SRRM1: variants seen among roughly 807,000 people sequenced by gnomAD.
SRRM1 encodes serine and arginine repetitive matrix 1.
Under a neutral mutation model 110.2 loss-of-function variants are expected in SRRM1, and 19 were observed. The observed-to-expected ratio is 0.17, with a 90% confidence interval of 0.12 to 0.25. The LOEUF (loss-of-function observed/expected upper bound fraction) is 0.25, where lower values mean the gene tolerates loss of function less well. Among genes scored for constraint, SRRM1 ranks in the 10% least tolerant of loss-of-function variants. The pLI is 1.00. For synonymous variants in SRRM1, 443 were observed against 414.9 expected, an observed-to-expected ratio of 1.07 and a Z score of -0.82; for missense variants, 918 against 1,145.8, an observed-to-expected ratio of 0.80 and a Z score of 2.87.
In SRRM1 at chr1:24,650,006, A is replaced by G. The variant is rs1241098174; in HGVS notation, c.441A>G (p.Gln147=). 1.4e-5 allele frequency: 22 copies of G among 1,595,086 alleles called. No individual in the cohort carries two copies. The highest frequency in any genetic ancestry group is 1.9e-5 in the Non-Finnish European group (22 of 1,171,804). ...AAAAACTGGCATCTATGAAAAAGCA[A>G]GATGAAGACAAAGATAAAAGAGATA... ...EQEKLASMKK[Q]DEDKDKRDKE... The change falls in exon 5 of 17, where the codon CAA becomes CAG. Residue 147 remains glutamine, a synonymous_variant. Transcript: ENST00000323848.
In SRRM1 at chr1:24,662,662, T is replaced by C. The variant is rs768598627; in HGVS notation, c.1486T>C (p.Ser496Pro). ...RRQNQQSSSD[S>P]GSSSSSEDER... ...TTTTTTTAATTTTGTAATTATAGAC[T>C]CTGGCTCCTCCTCCTCCTCAGAAGA... The change falls in exon 12 of 17, where the codon TCT becomes CCT. Residue 496 changes from serine to proline, a missense_variant and splice_region_variant. Around this residue, in one of 5 missense-constraint regions of SRRM1, gnomAD observed 357 missense variants for 402.9 expected, o/e 0.89. Coordinates refer to ENST00000323848, the MANE Select transcript of SRRM1 (RefSeq NM_005839.4). 1.9e-6 allele frequency: 3 copies of C among 1,613,668 alleles called. No individual in the cohort carries two copies. Among genetic ancestry groups the C allele is most frequent in the East Asian group, 2.2e-5 (1 of 44,884 alleles).
chr1:24,656,793 G>A (rs928682110), intron 9 of SRRM1, among the ~76,000 whole-genome samples: 1 of 152,116 alleles, frequency 6.6e-6, no homozygotes, highest in Non-Finnish European at 1.5e-5. Context: ...ACCAATCCTT[G>A]TTAAAATAGG....
chr1:24,670,341 C>A (rs757180711), intron 15 of SRRM1, 26 bp downstream of exon 15: 2 of 1,572,868 alleles, frequency 1.3e-6, no homozygotes, highest in Non-Finnish European at 1.7e-6. Flanking sequence ...ATTTTGGACA[C>A]CCTTTTATAA....
intron 13 of SRRM1, among the ~76,000 whole-genome samples, chr1:24,668,798 T>G (rs906022764): frequency 5.9e-5 from 9 of 152,346 alleles, no homozygotes; most frequent in Middle Eastern, 3.4e-3. Context: ...CAGTGCAAGA[T>G]TCTGTTTTCA....
rs376931789 is a variant in SRRM1 at position 24,669,404 on chromosome 1, G to A, written c.2021G>A (p.Arg674Gln). ...SSPSRSTREA[R>Q]SPQPNKRHSP... is the part of the protein sequence containing the mutation. ...CCAAGCCGCTCTACCCGGGAGGCCC[G>A]ATCACCACAACCAAACAAACGGCAT... The change falls in exon 14 of 17, where the codon CGA becomes CAA. Residue 674 changes from arginine to glutamine, a missense_variant. Around this residue, in one of 5 missense-constraint regions of SRRM1, gnomAD observed 357 missense variants for 402.9 expected, o/e 0.89. Transcript: ENST00000323848. 14 of 1,613,972 alleles carry A rather than the reference G, an allele frequency of 8.7e-6. No individual in the cohort carries two copies. Among genetic ancestry groups the A allele is most frequent in the East Asian group, 6.7e-5 (3 of 44,882 alleles).
chr1:24,662,139 T>C lies in SRRM1; in HGVS notation c.1484-521T>C, dbSNP rs115563353. 2.1e-3 allele frequency among the ~76,000 whole-genome samples: 324 copies of C among 152,204 alleles called. 1 individual carries two copies. The highest frequency in any genetic ancestry group is 7.6e-3 in the African/African-American group (315 of 41,534). ...ATAATCTACCCTATTATTTTACTAT[T>C]TGCATTTTTTATTGTAAGAATATAC... On this transcript the variant is annotated intron_variant, in intron 11 of 16. Coordinates refer to ENST00000323848, the MANE Select transcript of SRRM1 (RefSeq NM_005839.4).
In SRRM1 at chr1:24,651,558, C is replaced by T. The variant is rs1424271822; in HGVS notation, c.671C>T (p.Pro224Leu). Residue 224 changes from proline to leucine, a missense_variant, in exon 6 of 17, where the codon CCA becomes CTA. By Grantham distance (98) the Pro-to-Leu change is moderately conservative. Around this residue, in one of 5 missense-constraint regions of SRRM1, gnomAD observed 456 missense variants for 453.5 expected, o/e 1.01. Transcript: ENST00000323848. ...PEKKEKTPEL[P>L]EPSVKVKEPS... ...AAGAAGGAAAAAACTCCAGAGCTCC[C>T]AGAACCTTCAGTGAAAGTAAAAGAA... 1 of 1,613,896 alleles carries T rather than the reference C, an allele frequency of 6.2e-7. No homozygotes were observed. Among genetic ancestry groups the T allele is most frequent in the Non-Finnish European group, 8.5e-7 (1 of 1,180,014 alleles).
intron 2 of SRRM1, 115 bp downstream of exon 2, chr1:24,646,188 C>A: frequency 1.3e-6 from 1 of 753,470 alleles, no homozygotes; most frequent in Non-Finnish European, 2.2e-6. Context: ...CATAATTGAA[C>A]ATTAACCACC....
rs1228777539 is a variant in SRRM1 at position 24,668,214 on chromosome 1, C to T, written c.1740-909C>T. Among the ~76,000 whole-genome samples, 4 of 151,928 alleles carry T rather than the reference C, an allele frequency of 2.6e-5. No homozygotes were observed. In the East Asian group the frequency reaches 5.8e-4, roughly 22 times the overall value. On this transcript the variant is annotated intron_variant, in intron 13 of 16. Coordinates refer to ENST00000323848, the MANE Select transcript of SRRM1 (RefSeq NM_005839.4). ...CTCAAACTCCTGACCTCAGGTGATC[C>T]GCCTCAGCCTCCCAGAGTGCTGGGA...
At position 24,673,236 on chromosome 1, in the gene SRRM1, G is replaced by A. The variant is rs951738386; in HGVS notation, c.*950G>A. On this transcript the variant is annotated 3_prime_UTR_variant, in exon 17 of 17. Coordinates refer to ENST00000323848, the MANE Select transcript of SRRM1 (RefSeq NM_005839.4). Reference sequence around the variant, plus strand: ...AAACTAAAGCTATATAAAGCTTGTGGATTAAACAGAATAAATTTCTAAATT... The same window carrying A: ...AAACTAAAGCTATATAAAGCTTGTGAATTAAACAGAATAAATTTCTAAATT... The A allele has an allele frequency of 1.3e-5, 2 of 151,886 alleles. No homozygotes were observed. Among genetic ancestry groups the A allele is most frequent in the Non-Finnish European group, 2.9e-5 (2 of 68,006 alleles). 9.4% of individuals were successfully genotyped at this position (151,886 alleles called of 1,614,324 possible).
At position 24,662,709 on chromosome 1, in the gene SRRM1, T is replaced by G; in HGVS notation, c.1533T>G (p.His511Gln). 6.2e-7 allele frequency: 1 copy of G among 1,614,132 alleles called. No homozygotes were observed. The highest frequency in any genetic ancestry group is 2.2e-5 in the East Asian group (1 of 44,890). The change falls in exon 12 of 17, where the codon CAT becomes CAG. Residue 511 changes from histidine to glutamine, a missense_variant. This residue lies in a region of SRRM1 where 357 missense variants were observed against 402.9 expected (regional missense o/e 0.89). Transcript: ENST00000323848. The stretch of plus-strand genomic sequence containing the variant: ...AAGATGAACGACCCAAGAGATCCCA[T>G]GTGAAGAATGGTGAGGTTGGCAGGC... ...SSEDERPKRS[H>Q]VKNGEVGRRR...
At chr1:24,657,028 C>T (rs1664525670) in intron 9 of SRRM1, among the ~76,000 whole-genome samples, 1 of 152,170 alleles carries the variant, frequency 6.6e-6, no homozygotes, top group Admixed American at 6.5e-5. Flanking sequence ...TCAGTCTCCC[C>T]TGTGACCACT....
chr1:24,645,663 C>T (rs1244756783), intron 1 of SRRM1, among the ~76,000 whole-genome samples: 1 of 152,138 alleles, frequency 6.6e-6, no homozygotes, highest in African/African-American at 2.4e-5. Context: ...CAGAAAAGCC[C>T]TACGTATCTA....
chr1:24,662,428 G>C (rs1667741724), intron 11 of SRRM1, among the ~76,000 whole-genome samples: 2 of 152,176 alleles, frequency 1.3e-5, no homozygotes, highest in Non-Finnish European at 2.9e-5. Flanking sequence ...ACTTCTTAGA[G>C]TATGCCATCT....
rs1038405035 is a variant in SRRM1, at chr1:24,667,965, C to CTTTTTTTT, written c.1739+1060_1739+1067dup. Among the ~76,000 whole-genome samples, 25 of 68,528 alleles carry CTTTTTTTT rather than the reference C, an allele frequency of 3.6e-4. 8 individuals carry two copies. The highest frequency in any genetic ancestry group is 1.4e-3 in the African/African-American group (21 of 14,550). 45.0% of individuals were successfully genotyped at this position (68,528 alleles called of 152,430 possible). A position where few individuals can be genotyped will look rare whatever the true frequency, so the allele number is the denominator to read the frequency against. On this transcript the variant is annotated intron_variant, in intron 13 of 16. Transcript: ENST00000323848. Reference sequence around the variant, plus strand: ...AGCAATGTAATGACATGCTGCCACTCTTTTTTTTTTTTTTTTTTTTTTTTT... The same window carrying CTTTTTTTT: ...AGCAATGTAATGACATGCTGCCACTCTTTTTTTTTTTTTTTTTTTTTTTTTTTTTTTTT...
intron 4 of SRRM1, 103 bp downstream of exon 4, chr1:24,649,132 T>C: frequency 9.2e-7 from 1 of 1,086,534 alleles, no homozygotes; most frequent in Non-Finnish European, 1.3e-6. Flanking sequence ...CATGTAGTTT[T>C]GCTTTGCTGT....
At chr1:24,661,850 G>A (rs986103867) in intron 11 of SRRM1, among the ~76,000 whole-genome samples, 24 of 152,164 alleles carry the variant, frequency 1.6e-4, no homozygotes, top group African/African-American at 5.3e-4. Flanking sequence ...AGCACTTTGG[G>A]AGGCCGAGGT....
chr1:24,664,740 G>C (rs1453141663), intron 12 of SRRM1, among the ~76,000 whole-genome samples: 1 of 152,170 alleles, frequency 6.6e-6, no homozygotes, highest in African/African-American at 2.4e-5. Context: ...ACCTAAAAAA[G>C]ATTAGTTTGG....
Position 24,670,199 on chromosome 1 carries a change from A to G in SRRM1, c.2284A>G (p.Lys762Glu), listed in dbSNP as rs1278042711. The change falls in exon 15 of 17, where the codon AAA becomes GAA. Residue 762 changes from lysine to glutamate, a missense_variant. Coordinates refer to ENST00000323848, the MANE Select transcript of SRRM1 (RefSeq NM_005839.4). ...CTCCGGGTCTCCTGAGCCAGCAGCT[A>G]AAAAGCCCCCAGCACCTCCATCCCC... ...SVSGSPEPAA[K>E]KPPAPPSPVQ... 6.2e-7 allele frequency: 1 copy of G among 1,613,988 alleles called. No individual in the cohort carries two copies.
Sources: gnomAD v4.1 joint callset for allele counts (sites outside exome capture counted in the v4.1 genomes callset) on GRCh38, gnomAD v4.1.1 for gene constraint, gnomAD v4.1.1 regional missense constraint, MANE v1.5 for transcripts, NCBI Gene and HGNC (gene_info 2026-07-23, HGNC 2026-07-21) for gene names.